The following BACH2 variants were observed in gnomAD, a reference collection of about 807,000 sequenced individuals.
The protein encoded by BACH2 is BACH transcriptional regulator 2.
Under a neutral mutation model 61.8 loss-of-function variants are expected in BACH2, and 5 were observed. The ratio of observed to expected loss-of-function variants is 0.08; its 90% CI spans 0.04 to 0.17. The LOEUF (loss-of-function observed/expected upper bound fraction) is 0.17, where lower values mean the gene tolerates loss of function less well. Ranked by LOEUF, BACH2 falls within the 10% of genes least tolerant of loss-of-function variation. The pLI, the probability that BACH2 is intolerant of heterozygous loss-of-function variation, is 1.00. For synonymous variants in BACH2, 446 were observed against 440.1 expected (o/e 1.01, Z -0.17); for missense variants, 824 against 1,091.1 (o/e 0.76, Z 3.45).
At chr6:90,106,839 G>A (rs562194743) in intron 4 of BACH2, among the ~76,000 whole-genome samples, 86 of 152,294 alleles carry the variant, frequency 5.6e-4, no homozygotes, top group African/African-American at 2.1e-3. Flanking sequence ...CTGCCTCCTT[G>A]TAGCCTAAAA....
chr6:90,008,126 T>C lies in BACH2; in HGVS notation c.243+476A>G, dbSNP rs1403315413. 5.9e-6 allele frequency: 1 copy of C among 170,736 alleles called. No homozygotes were observed. The highest frequency in any genetic ancestry group is 1.3e-5 in the Non-Finnish European group (1 of 78,466). 10.6% of individuals were successfully genotyped at this position (170,736 alleles called of 1,614,324 possible). ...TCAACAACGGTGAGAAAAGCAAGTT[T>C]ACACTTCTTAGAATCTTACTGAATT... On this transcript the variant is annotated intron_variant, in intron 6 of 8. Coordinates refer to ENST00000257749, the MANE Select transcript of BACH2 (RefSeq NM_021813.4). This position sits in a 1 kb window ranked among gnomAD's most constrained non-coding sequence, Gnocchi z 4.1.
chr6:90,115,585 A>G (rs752818682), intron 4 of BACH2, among the ~76,000 whole-genome samples: 1 of 152,148 alleles, frequency 6.6e-6, no homozygotes, highest in Non-Finnish European at 1.5e-5. Flanking sequence ...CAACCTGGGC[A>G]ATACCATCCT....
At chr6:90,036,685 T>C (rs754091132) in intron 5 of BACH2, among the ~76,000 whole-genome samples, 1 of 152,194 alleles carries the variant, frequency 6.6e-6, no homozygotes, top group Non-Finnish European at 1.5e-5. Context: ...GGATATTACT[T>C]GCTAGAGTTT....
intron 1 of BACH2, among the ~76,000 whole-genome samples, chr6:90,284,339 T>C (rs1290435792): frequency 6.6e-6 from 1 of 152,236 alleles, no homozygotes; most frequent in Admixed American, 6.5e-5. Flanking sequence ...CAGTTCTTCC[T>C]GAGCTAGCTG....
chr6:90,028,422 A>AT (rs1295540003), intron 5 of BACH2, among the ~76,000 whole-genome samples: 4 of 152,166 alleles, frequency 2.6e-5, no homozygotes, highest in Non-Finnish European at 5.9e-5. Flanking sequence ...CTATCCTCCC[A>AT]TTACGGGCTT....
At chr6:90,177,634 A>G (rs1239212938) in intron 4 of BACH2, among the ~76,000 whole-genome samples, 1 of 152,016 alleles carries the variant, frequency 6.6e-6, no homozygotes, top group Non-Finnish European at 1.5e-5. Flanking sequence ...ATCTCCCCCA[A>G]CTTACACCCT....
chr6:90,098,452 G>A (rs1428794706), intron 4 of BACH2, among the ~76,000 whole-genome samples: 1 of 152,166 alleles, frequency 6.6e-6, no homozygotes, highest in Non-Finnish European at 1.5e-5. Context: ...AGGAGTGCCA[G>A]ACCATTTAAC....
chr6:90,088,057 AG>A (rs1782010774), intron 5 of BACH2, among the ~76,000 whole-genome samples: 2 of 150,896 alleles, frequency 1.3e-5, no homozygotes, highest in Non-Finnish European at 2.9e-5. Flanking sequence ...GGCCTATGGT[AG>A]CTATCCCTCC....
intron 5 of BACH2, among the ~76,000 whole-genome samples, chr6:90,073,160 T>G (rs544023269): frequency 1.3e-5 from 2 of 152,342 alleles, no homozygotes; most frequent in South Asian, 4.1e-4. Context: ...GGCGTATTCT[T>G]GCTCGAGAAC....
In BACH2 at chr6:90,296,597, G is replaced by A. The variant is rs1166317990; in HGVS notation, c.-563C>T. 1.3e-5 allele frequency: 2 copies of A among 151,842 alleles called. No homozygotes were observed. Among genetic ancestry groups the A allele is most frequent in the Admixed American group, 6.6e-5 (1 of 15,232 alleles). The allele number at this position is 151,842 out of a possible 1,614,324, so 9.4% of individuals were successfully genotyped here. A position where few individuals can be genotyped will look rare whatever the true frequency, so the allele number is the denominator to read the frequency against. Reference sequence around the variant, plus strand: ...TCGTGGGTCACCGAAAGCTCGCGGAGGGGACGCGCATCACATGGCAGCTCG... The same window carrying A: ...TCGTGGGTCACCGAAAGCTCGCGGAAGGGACGCGCATCACATGGCAGCTCG... On this transcript the variant is annotated 5_prime_UTR_variant, in exon 1 of 9. Transcript: ENST00000257749.
At chr6:89,944,412 C>G (rs1773612400) in intron 7 of BACH2, among the ~76,000 whole-genome samples, 1 of 152,212 alleles carries the variant, frequency 6.6e-6, no homozygotes, top group Non-Finnish European at 1.5e-5. Flanking sequence ...CAGACACTTA[C>G]AATGTTCTAG....
intron 2 of BACH2, among the ~76,000 whole-genome samples, chr6:90,259,589 T>C (rs891040484): frequency 6.6e-6 from 1 of 152,202 alleles, no homozygotes; most frequent in Non-Finnish European, 1.5e-5. Context: ...CCTCATAAAA[T>C]GTGTTTGAAA....
At chr6:90,207,843 A>AG (rs1769203863) in intron 3 of BACH2, among the ~76,000 whole-genome samples, 2 of 152,220 alleles carry the variant, frequency 1.3e-5, no homozygotes, top group Non-Finnish European at 2.9e-5. Flanking sequence ...CAGGACATGG[A>AG]GAATTCCAAA....
chr6:90,267,197 A>G (rs1289581219), intron 2 of BACH2, among the ~76,000 whole-genome samples: 1 of 152,138 alleles, frequency 6.6e-6, no homozygotes. Context: ...TATAAACCCC[A>G]ACCACTGAGT....
chr6:90,167,820 G>C (rs1179877601), intron 4 of BACH2, among the ~76,000 whole-genome samples: 2 of 152,230 alleles, frequency 1.3e-5, no homozygotes, highest in Non-Finnish European at 2.9e-5. Flanking sequence ...ATGTTTGGGA[G>C]TTCTCCAATG....
intron 1 of BACH2, among the ~76,000 whole-genome samples, chr6:90,272,594 G>A (rs1049656187): frequency 2.0e-5 from 3 of 152,180 alleles, no homozygotes; most frequent in South Asian, 2.1e-4. Flanking sequence ...AAATGAGCTT[G>A]TCTATTGACC....
At chr6:89,945,420 C>T (rs1355047492) in intron 7 of BACH2, among the ~76,000 whole-genome samples, 2 of 152,138 alleles carry the variant, frequency 1.3e-5, no homozygotes, top group Non-Finnish European at 2.9e-5. Context: ...ACCTTCAAAG[C>T]ATTATGCTAA....
chr6:90,051,026 C>A (rs993192109), intron 5 of BACH2, among the ~76,000 whole-genome samples: 13 of 151,946 alleles, frequency 8.6e-5, no homozygotes, highest in Non-Finnish European at 1.8e-4. Flanking sequence ...TCCACCTCAG[C>A]CTCCCAAAGT....
At chr6:90,258,810 T>A (rs1397381094) in intron 2 of BACH2, among the ~76,000 whole-genome samples, 1 of 152,200 alleles carries the variant, frequency 6.6e-6, no homozygotes, top group Non-Finnish European at 1.5e-5. Flanking sequence ...TTTGTTCTTT[T>A]TGATGCTTTG....
Sources: gnomAD v4.1 joint callset for allele counts (sites outside exome capture counted in the v4.1 genomes callset) on GRCh38, gnomAD v4.1.1 for gene constraint, Gnocchi (gnomAD v3.1) non-coding constraint, MANE v1.5 for transcripts, NCBI Gene and HGNC (gene_info 2026-07-23, HGNC 2026-07-21) for gene names.